HTRA3: variants seen among roughly 807,000 people sequenced by gnomAD.
The protein encoded by HTRA3 is serine protease HTRA3.
A neutral mutation model predicts 43.2 loss-of-function variants in HTRA3; 41 were observed. The observed-to-expected ratio is 0.95, with a 90% confidence interval of 0.74 to 1.23. The LOEUF (loss-of-function observed/expected upper bound fraction) is 1.23. Ranked by LOEUF, HTRA3 falls within the 50% of genes most tolerant of loss-of-function variation. HTRA3 has a pLI of 0.00. For synonymous variants in HTRA3, 295 were observed against 287.9 expected, an observed-to-expected ratio of 1.02 and a Z score of -0.25; for missense variants, 628 against 647.1, an observed-to-expected ratio of 0.97 and a Z score of 0.32.
chr4:8,272,570 G>C (rs183196122), intron 1 of HTRA3, among the ~76,000 whole-genome samples: 10 of 152,360 alleles, frequency 6.6e-5, no homozygotes, highest in African/African-American at 2.2e-4. Context: ...CCCCTTGCCT[G>C]ATGGGCAACC....
In HTRA3 at chr4:8,286,834, G is replaced by A. The variant is rs1283056674; in HGVS notation, c.708+51G>A. ...GAAGCACCTGGGGCTGGGCATGGTG[G>A]CCTCTTCCCAGACGCCGGAACCCAG... On this transcript the variant is annotated intron_variant, in intron 3 of 8. Transcript: ENST00000307358. The surrounding 1 kb of genome is among the most constrained non-coding windows in gnomAD (Gnocchi z 4.9). 2 of 1,424,304 alleles carry A rather than the reference G, an allele frequency of 1.4e-6. No homozygotes were observed. The highest frequency in any genetic ancestry group is 3.7e-5 in the Admixed American group (2 of 53,638). The allele number at this position is 1,424,304 out of a possible 1,614,324, so 88.2% of individuals were successfully genotyped here.
At chr4:8,285,494 G>GT (rs1712919680) in intron 2 of HTRA3, among the ~76,000 whole-genome samples, 1 of 152,160 alleles carries the variant, frequency 6.6e-6, no homozygotes, top group African/African-American at 2.4e-5. Flanking sequence ...CGTGCCAGAC[G>GT]TTTCCATCCC....
Position 8,305,357 on chromosome 4 carries a change from C to T in HTRA3, c.1197-614C>T, listed in dbSNP as rs190515492. Among the ~76,000 whole-genome samples, 9 of 152,374 alleles carry T rather than the reference C, an allele frequency of 5.9e-5. No homozygotes were observed. In the East Asian group the frequency reaches 1.7e-3, roughly 29 times the overall value. ...TTTTCCACACACATCTCAGTTAATC[C>T]TCACTGCAGCCAGGGAGGTGCAGGC... On this transcript the variant is annotated intron_variant, in intron 8 of 8. Coordinates refer to ENST00000307358, the MANE Select transcript of HTRA3 (RefSeq NM_053044.5).
Position 8,295,681 on chromosome 4 carries a change from C to T in HTRA3, c.1051+1480C>T. 2 of 1,419,746 alleles carry T rather than the reference C, an allele frequency of 1.4e-6. No individual in the cohort carries two copies. The highest frequency in any genetic ancestry group is 1.5e-5 in the South Asian group (1 of 64,682). The allele number at this position is 1,419,746 out of a possible 1,614,324, so 87.9% of individuals were successfully genotyped here. A position where few individuals can be genotyped will look rare whatever the true frequency, so the allele number is the denominator to read the frequency against. ...CAACTCACACTTCCACATTGCTTTG[C>T]TGTCTCCTCCCAGCCCCCTCACTGG... On this transcript the variant is annotated intron_variant, in intron 6 of 8. Transcript: ENST00000307358. This position sits in a 1 kb window ranked among gnomAD's most constrained non-coding sequence, Gnocchi z 6.9.
rs1217546719 is a variant in HTRA3 at position 8,296,508 on chromosome 4, T to A, written c.1051+2307T>A. On this transcript the variant is annotated intron_variant, in intron 6 of 8. Coordinates refer to ENST00000307358, the MANE Select transcript of HTRA3 (RefSeq NM_053044.5). The surrounding 1 kb of genome is among the most constrained non-coding windows in gnomAD (Gnocchi z 5.3). Reference sequence around the variant, plus strand: ...ATCTAAAGTTCTTTGAAATGAACCATCTTTTTATTAAATCAAGGAGATGTT... The same window carrying A: ...ATCTAAAGTTCTTTGAAATGAACCAACTTTTTATTAAATCAAGGAGATGTT... 5 of 985,178 alleles carry A rather than the reference T, an allele frequency of 5.1e-6. No individual in the cohort carries two copies. The highest frequency in any genetic ancestry group is 6.0e-6 in the Non-Finnish European group (5 of 829,790). The allele number at this position is 985,178 out of a possible 1,614,324, so 61.0% of individuals were successfully genotyped here.
At position 8,302,461 on chromosome 4, in the gene HTRA3, A is replaced by G; in HGVS notation, c.1052-2A>G. The G allele has an allele frequency of 6.2e-7, 1 of 1,613,984 alleles. No homozygotes were observed. Among genetic ancestry groups the G allele is most frequent in the Non-Finnish European group, 8.5e-7 (1 of 1,179,956 alleles). ...CGGAGTCTCGCCGTGTTTCATTTCC[A>G]GACTGGAAGAAGCGCTTCATCGGCA... On this transcript the variant is annotated splice_acceptor_variant, in intron 6 of 8. Coordinates refer to ENST00000307358, the MANE Select transcript of HTRA3 (RefSeq NM_053044.5). LOFTEE classifies it high-confidence loss of function.
At chr4:8,278,763 G>C (rs1712629020) in intron 1 of HTRA3, among the ~76,000 whole-genome samples, 1 of 152,230 alleles carries the variant, frequency 6.6e-6, no homozygotes, top group African/African-American at 2.4e-5. Context: ...GCCAGCGCCA[G>C]GCCTGCCCTC....
rs766552329 is a variant in HTRA3 at position 8,270,191 on chromosome 4, G to C, written c.223G>C (p.Glu75Gln). The C allele has an allele frequency of 1.9e-6, 3 of 1,541,182 alleles. No individual in the cohort carries two copies. Among genetic ancestry groups the C allele is most frequent in the Non-Finnish European group, 2.6e-6 (3 of 1,156,226 alleles). ...PLDSPCGESL[E>Q]CVRGLCRCRW... ...GGACTCGCCTTGCGGCGAGAGCCTG[G>C]AGTGCGTGCGCGGCCTATGCCGCTG... Residue 75 changes from glutamate to glutamine, a missense_variant, in exon 1 of 9, where the codon GAG (glutamate) becomes CAG (glutamine). Physicochemically the swap from Glu to Gln is conservative, Grantham distance 29. Coordinates refer to ENST00000307358, the MANE Select transcript of HTRA3 (RefSeq NM_053044.5).
chr4:8,287,102 A>G (rs1349653422), intron 3 of HTRA3, among the ~76,000 whole-genome samples: 1 of 152,114 alleles, frequency 6.6e-6, no homozygotes, highest in Non-Finnish European at 1.5e-5. Flanking sequence ...TGGGCCCACT[A>G]CTGGGGATGC....
At chr4:8,304,475 C>T (rs1401733073) in intron 8 of HTRA3, among the ~76,000 whole-genome samples, 196 bp downstream of exon 8, 1 of 152,074 alleles carries the variant, frequency 6.6e-6, no homozygotes, top group Non-Finnish European at 1.5e-5. Context: ...TGTGTACGTC[C>T]TAAGTCCCAC....
At chr4:8,299,336 A>T (rs1236806946) in intron 6 of HTRA3, among the ~76,000 whole-genome samples, 2 of 152,242 alleles carry the variant, frequency 1.3e-5, no homozygotes, top group Non-Finnish European at 2.9e-5. Context: ...GTTCACCATA[A>T]GATATCCTGT....
intron 4 of HTRA3, among the ~76,000 whole-genome samples, chr4:8,291,781 C>T (rs939357215): frequency 6.6e-6 from 1 of 152,266 alleles, no homozygotes; most frequent in Non-Finnish European, 1.5e-5. Context: ...AGGCTGCTGT[C>T]CTCGCTCGGG....
intron 1 of HTRA3, among the ~76,000 whole-genome samples, chr4:8,276,295 A>AC (rs1421002748): frequency 1.3e-5 from 2 of 152,050 alleles, no homozygotes; most frequent in African/African-American, 4.8e-5. Flanking sequence ...TAACAGTGGG[A>AC]CCCCCCTCAC....
At chr4:8,282,575 TC>T in intron 2 of HTRA3, 39 bp downstream of exon 2, 2 of 1,495,546 alleles carry the variant, frequency 1.3e-6, no homozygotes, top group African/African-American at 1.4e-5. Flanking sequence ...CCTCCTGGTG[TC>T]CCCTGGTACA....
At chr4:8,304,539 C>G (rs1020660843) in intron 8 of HTRA3, among the ~76,000 whole-genome samples, 1 of 151,960 alleles carries the variant, frequency 6.6e-6, no homozygotes, top group African/African-American at 2.4e-5. Flanking sequence ...GGGCTAAGAA[C>G]CCACTCCAAG....
Position 8,306,009 on chromosome 4 carries a change from A to G in HTRA3, c.1235A>G (p.Asn412Ser), listed in dbSNP as rs771028602. Residue 412 changes from asparagine (N) to serine (S), a missense_variant, in exon 9 of 9, where the codon AAC becomes AGC. Transcript: ENST00000307358. This position sits in a 1 kb window ranked among gnomAD's most constrained non-coding sequence, Gnocchi z 8.9. ...IQDGDIIVKV[N>S]GRPLVDSSEL... Reference sequence around the variant, plus strand: ...GATGGTGACATCATCGTCAAGGTCAACGGGCGTCCTCTAGTGGACTCGAGT... The same window carrying G: ...GATGGTGACATCATCGTCAAGGTCAGCGGGCGTCCTCTAGTGGACTCGAGT... 2 of 1,611,592 alleles carry G rather than the reference A, an allele frequency of 1.2e-6. No homozygotes were observed. The highest frequency in any genetic ancestry group is 2.7e-5 in the African/African-American group (2 of 74,178).
In HTRA3 at chr4:8,270,261, C is replaced by T. The variant is rs1450070935; in HGVS notation, c.293C>T (p.Ala98Val). Reference protein sequence around the residue: ...AVCGTDGHTYANVCALQAASR... With the variant: ...AVCGTDGHTYVNVCALQAASR... ...TGTGGCACCGACGGGCACACCTATG[C>T]CAACGTGTGCGCGCTGCAGGCGGCC... is the stretch of plus-strand genomic sequence containing the variant. Residue 98 changes from alanine to valine, a missense_variant, in exon 1 of 9, where the codon GCC becomes GTC. Physicochemically the swap from Ala to Val is moderately conservative, Grantham distance 64. Transcript: ENST00000307358. 6.6e-7 allele frequency: 1 copy of T among 1,510,300 alleles called. No individual in the cohort carries two copies. The highest frequency in any genetic ancestry group is 8.8e-7 in the Non-Finnish European group (1 of 1,137,484). 93.6% of individuals were successfully genotyped at this position (1,510,300 alleles called of 1,614,324 possible).
rs556679307 is a variant in HTRA3 at position 8,299,532 on chromosome 4, T to A, written c.1052-2931T>A. On this transcript the variant is annotated intron_variant, in intron 6 of 8. Coordinates refer to ENST00000307358, the MANE Select transcript of HTRA3 (RefSeq NM_053044.5). ...AAATATTGAATGAAAGGGGTAAGAG[T>A]GGACATCCTTGTCCCGTTCGTGATC... Among the ~76,000 whole-genome samples the A allele has an allele frequency of 3.9e-5, 6 of 152,062 alleles. No homozygotes were observed. In the South Asian group the frequency reaches 1.0e-3, roughly 26 times the overall value.
At chr4:8,298,682 G>A (rs1238659473) in intron 6 of HTRA3, among the ~76,000 whole-genome samples, 1 of 152,198 alleles carries the variant, frequency 6.6e-6, no homozygotes, top group African/African-American at 2.4e-5. Context: ...TTTTTAAATA[G>A]TGCAAAGTAT....
Sources: gnomAD v4.1 joint callset for allele counts (sites outside exome capture counted in the v4.1 genomes callset) on GRCh38, gnomAD v4.1.1 for gene constraint, Gnocchi (gnomAD v3.1) non-coding constraint, MANE v1.5 for transcripts, NCBI Gene and HGNC (gene_info 2026-07-23, HGNC 2026-07-21) for gene names.